The following PGPEP1 variants were observed in gnomAD, a reference collection of about 807,000 sequenced individuals.
PGPEP1 encodes the protein pyroglutamyl-peptidase I.
Under a neutral mutation model 24.1 loss-of-function variants are expected in PGPEP1, and 15 were observed. The observed-to-expected ratio is 0.62, with a 90% CI of 0.42 to 0.96. The LOEUF (loss-of-function observed/expected upper bound fraction) is 0.96, where lower values mean the gene tolerates loss of function less well. Ranked by LOEUF, PGPEP1 falls within the 40% of genes least tolerant of loss-of-function variation. The pLI is 0.00. For synonymous variants in PGPEP1, 122 were observed against 116.4 expected (o/e 1.05, Z -0.31); for missense variants, 242 against 273.4 (o/e 0.89, Z 0.81).
At chr19:18,355,828 C>A (rs1252125910) in intron 2 of PGPEP1, 67 bp from the exon 3 acceptor site, 4 of 990,998 alleles carry the variant, frequency 4.0e-6, no homozygotes, top group South Asian at 1.3e-5. Flanking sequence ...GTTTCACCCC[C>A]CAGAGAGCGC....
At chr19:18,350,620 CAATGTAGGGG>C (rs1282024697) in intron 2 of PGPEP1, among the ~76,000 whole-genome samples, 1 of 152,240 alleles carries the variant, frequency 6.6e-6, no homozygotes, top group African/African-American at 2.4e-5. Context: ...TTAGATGTTC[CAATGTAGGGG>C]AATGTTTAAA....
At chr19:18,358,487 C>T (rs1487438568) in intron 4 of PGPEP1, among the ~76,000 whole-genome samples, 6 of 151,778 alleles carry the variant, frequency 4.0e-5, no homozygotes, top group East Asian at 1.9e-4. Context: ...CTCGAACTCC[C>T]GACCTCAGGT....
chr19:18,361,326 T>C (rs1971343757), intron 4 of PGPEP1, among the ~76,000 whole-genome samples: 1 of 151,062 alleles, frequency 6.6e-6, no homozygotes, highest in Non-Finnish European at 1.5e-5. Flanking sequence ...TTAGTTGAGA[T>C]GAGGTTTTCA....
Position 18,367,523 on chromosome 19 carries a change from C to T in PGPEP1, c.*3940C>T, listed in dbSNP as rs1361099765. ...CTTTTAAGATGCCCAAGTCTGCGCA[C>T]TTTTATTCCTTTATTCGGCCCCTAG... On this transcript the variant is annotated 3_prime_UTR_variant, in exon 5 of 5. Coordinates refer to ENST00000269919, the MANE Select transcript of PGPEP1 (RefSeq NM_017712.4). The T allele has an allele frequency of 6.6e-6, 1 of 152,068 alleles. No homozygotes were observed. The highest frequency in any genetic ancestry group is 1.5e-5 in the Non-Finnish European group (1 of 68,036). The allele number at this position is 152,068 out of a possible 1,614,324, so 9.4% of individuals were successfully genotyped here.
At chr19:18,340,771 G>A (rs575812262) in intron 1 of PGPEP1, 56 bp downstream of exon 1, 31 of 1,313,352 alleles carry the variant, frequency 2.4e-5, no homozygotes, top group Middle Eastern at 5.1e-4. Flanking sequence ...GGCGGGGGCG[G>A]CTCCGGGACT....
rs770181440 is a variant in PGPEP1 at position 18,357,438 on chromosome 19, G to A, written c.260G>A (p.Cys87Tyr). 6.8e-6 allele frequency: 11 copies of A among 1,614,076 alleles called. No individual in the cohort carries two copies. Among genetic ancestry groups the A allele is most frequent in the East Asian group, 2.2e-5 (1 of 44,886 alleles). The change falls in exon 4 of 5, where the codon TGT (cysteine) becomes TAT (tyrosine). Residue 87 changes from cysteine to tyrosine, a missense_variant. Cys to Tyr is a radical substitution (Grantham distance 194). Coordinates refer to ENST00000269919, the MANE Select transcript of PGPEP1 (RefSeq NM_017712.4). The part of the protein sequence containing the change: ...GMATTVTLEK[C>Y]GHNKGYKGLD... ...GCGACCACAGTCACACTGGAGAAATGTGGACACAACAAGGGCTACAAGGGG... is the reference window on the plus strand; with the variant it reads ...GCGACCACAGTCACACTGGAGAAATATGGACACAACAAGGGCTACAAGGGG...
chr19:18,340,851 C>T (rs4808784), intron 1 of PGPEP1, 136 bp downstream of exon 1: 53,765 of 623,156 alleles, frequency 0.086, 4,515 homozygotes, highest in East Asian at 0.36. Context: ...GCGGGAGCCC[C>T]GCGCAGCCCA....
intron 2 of PGPEP1, among the ~76,000 whole-genome samples, chr19:18,346,285 A>C (rs1218755300): frequency 6.6e-6 from 1 of 152,142 alleles, no homozygotes; most frequent in Non-Finnish European, 1.5e-5. Flanking sequence ...GAAAGGTGTC[A>C]CTGCTGGATG....
At chr19:18,362,545 G>T (rs2144581030) in intron 4 of PGPEP1, among the ~76,000 whole-genome samples, 1 of 151,908 alleles carries the variant, frequency 6.6e-6, no homozygotes, top group Non-Finnish European at 1.5e-5. Flanking sequence ...GGCCAGCATG[G>T]TGAAACCCTG....
rs1568320851 is a variant in PGPEP1 at position 18,364,087 on chromosome 19, T to TCTTTCTTTCTTTCTTTCTTTCTTTCTTG, written c.*520_*547dup. Reference sequence around the variant, plus strand: ...TGGGATATGGCTGGCTGGCTGGCTTTCTTTCTTTCTTTCTTTCTTTCTTTC... The same window carrying TCTTTCTTTCTTTCTTTCTTTCTTTCTTG: ...TGGGATATGGCTGGCTGGCTGGCTTTCTTTCTTTCTTTCTTTCTTTCTTTCTTGCTTTCTTTCTTTCTTTCTTTCTTTC... On this transcript the variant is annotated 3_prime_UTR_variant, in exon 5 of 5. Coordinates refer to ENST00000269919, the MANE Select transcript of PGPEP1 (RefSeq NM_017712.4). 6.7e-5 allele frequency: 4 copies of TCTTTCTTTCTTTCTTTCTTTCTTTCTTG among 59,278 alleles called. No individual in the cohort carries two copies. The highest frequency in any genetic ancestry group is 1.2e-4 in the African/African-American group (2 of 17,294). 3.7% of individuals were successfully genotyped at this position (59,278 alleles called of 1,614,324 possible).
Position 18,363,705 on chromosome 19 carries a change from A to T in PGPEP1, c.*122A>T, listed in dbSNP as rs1001002724. Reference sequence around the variant, plus strand: ...CTTGGGGATCCGATCTGGAAGAGAGATTCTGATCTGCCCACCTCCTCTTCC... The same window carrying T: ...CTTGGGGATCCGATCTGGAAGAGAGTTTCTGATCTGCCCACCTCCTCTTCC... On this transcript the variant is annotated 3_prime_UTR_variant, in exon 5 of 5. Coordinates refer to ENST00000269919, the MANE Select transcript of PGPEP1 (RefSeq NM_017712.4). The T allele has an allele frequency of 1.5e-6, 1 of 648,872 alleles. No individual in the cohort carries two copies. The highest frequency in any genetic ancestry group is 2.2e-5 in the South Asian group (1 of 45,826). The allele number at this position is 648,872 out of a possible 1,614,324, so 40.2% of individuals were successfully genotyped here. A position where few individuals can be genotyped will look rare whatever the true frequency, so the allele number is the denominator to read the frequency against.
At chr19:18,356,484 T>C (rs1486428359) in intron 3 of PGPEP1, among the ~76,000 whole-genome samples, 2 of 151,376 alleles carry the variant, frequency 1.3e-5, no homozygotes, top group Non-Finnish European at 2.9e-5. Flanking sequence ...TAGTGGCTCA[T>C]GCCTGTAATC....
rs568684560 is a variant in PGPEP1, at chr19:18,363,702, G to A, written c.*119G>A. On this transcript the variant is annotated 3_prime_UTR_variant, in exon 5 of 5. Transcript: ENST00000269919. ...CAGCTTGGGGATCCGATCTGGAAGA[G>A]AGATTCTGATCTGCCCACCTCCTCT... is the stretch of plus-strand genomic sequence containing the variant. The A allele has an allele frequency of 8.8e-6, 6 of 678,222 alleles. No individual in the cohort carries two copies. The South Asian group carries it at 1.0e-4, about 12-fold the overall frequency. The allele number at this position is 678,222 out of a possible 1,614,324, so 42.0% of individuals were successfully genotyped here.
At chr19:18,354,455 G>A (rs1216287293) in intron 2 of PGPEP1, among the ~76,000 whole-genome samples, 10 of 151,634 alleles carry the variant, frequency 6.6e-5, no homozygotes, top group Admixed American at 1.3e-4. Context: ...AGGTGGCGCC[G>A]CTGCATTCCA....
rs1256063042 is a variant in PGPEP1, at chr19:18,363,471, G to A, written c.518G>A (p.Gly173Glu). 6.2e-7 allele frequency: 1 copy of A among 1,614,138 alleles called. No homozygotes were observed. Among genetic ancestry groups the A allele is most frequent in the East Asian group, 2.2e-5 (1 of 44,880 alleles). The change falls in exon 5 of 5, where the codon GGG (glycine) becomes GAG (glutamate). Residue 173 changes from glycine (G) to glutamate (E), a missense_variant. Gly to Glu is a moderately conservative substitution (Grantham distance 98). Transcript: ENST00000269919. ...GCCTTCGTCCACGTGCCCCCACTGG[G>A]GAAGCCGTACAACGCGGACCAGCTG... is the stretch of plus-strand genomic sequence containing the variant. ...RSAFVHVPPL[G>E]KPYNADQLGR... is the part of the protein sequence containing the mutation.
rs144776690 is a variant in PGPEP1, at chr19:18,345,352, C to T, written c.87+2441C>T. On this transcript the variant is annotated intron_variant, in intron 2 of 4. Coordinates refer to ENST00000269919, the MANE Select transcript of PGPEP1 (RefSeq NM_017712.4). ...TTAGGACACAAGATTCCCCACCATT[C>T]GCCTGCCAAAAAGATGCCAACCTTC... Among the ~76,000 whole-genome samples, 29 of 152,128 alleles carry T rather than the reference C, an allele frequency of 1.9e-4. No homozygotes were observed. The East Asian group carries it at 5.0e-3, about 26-fold the overall frequency.
chr19:18,343,320 G>A (rs971619103), intron 2 of PGPEP1, among the ~76,000 whole-genome samples: 2 of 152,028 alleles, frequency 1.3e-5, no homozygotes, highest in African/African-American at 4.8e-5. Context: ...AAACGATGTC[G>A]GATCCACATC....
intron 4 of PGPEP1, chr19:18,362,014 G>T (rs1486445225): frequency 2.2e-5 from 7 of 324,616 alleles, no homozygotes; most frequent in African/African-American, 1.6e-4. Context: ...GCTTTAGGTT[G>T]CTTTCTGTTT....
intron 2 of PGPEP1, among the ~76,000 whole-genome samples, chr19:18,354,555 C>T (rs574203429): frequency 4.3e-4 from 66 of 152,262 alleles, no homozygotes; most frequent in African/African-American, 1.5e-3. Context: ...TCTCACCCTG[C>T]TGCCCAGGCT....
Sources: allele counts gnomAD v4.1 joint callset (sites outside exome capture counted in the v4.1 genomes callset), GRCh38; gene constraint gnomAD v4.1.1; transcripts MANE v1.5; gene names NCBI Gene and HGNC (gene_info 2026-07-23, HGNC 2026-07-21).